LUC7L3: variants seen among roughly 807,000 people sequenced by gnomAD.
LUC7L3 encodes the protein luc7-like protein 3.
Under a neutral mutation model 66.8 loss-of-function variants are expected in LUC7L3, and 6 were observed. That is an observed-to-expected ratio of 0.09 (90% CI 0.05 to 0.18). The LOEUF (loss-of-function observed/expected upper bound fraction) is 0.18, where lower values mean the gene tolerates loss of function less well. LUC7L3 is among the 10% of genes least tolerant of loss of function. LUC7L3 has a pLI of 1.00. For missense variants in LUC7L3, 341 were observed against 531.1 expected (o/e 0.64, Z 3.52); for synonymous variants, 160 against 174.7 (o/e 0.92, Z 0.66).
chr17:50,741,409 A>G (rs1005973498), intron 4 of LUC7L3, 163 bp downstream of exon 4: 5 of 752,844 alleles, frequency 6.6e-6, no homozygotes, highest in South Asian at 4.4e-5. Flanking sequence ...ATTAGCAAAC[A>G]TAACACTGAT....
intron 1 of LUC7L3, among the ~76,000 whole-genome samples, chr17:50,735,333 GA>G (rs1439686859): frequency 6.6e-6 from 1 of 151,898 alleles, no homozygotes; most frequent in Admixed American, 6.6e-5. Context: ...GCAGCTTATG[GA>G]ACCACATTGC....
At chr17:50,726,464 G>A (rs1017109800) in intron 1 of LUC7L3, among the ~76,000 whole-genome samples, 21 of 152,128 alleles carry the variant, frequency 1.4e-4, no homozygotes, top group African/African-American at 4.3e-4. Context: ...AAGCCACAGC[G>A]CCTGGCCTAT....
At chr17:50,735,056 C>T (rs1295188118) in intron 1 of LUC7L3, among the ~76,000 whole-genome samples, 1 of 151,960 alleles carries the variant, frequency 6.6e-6, no homozygotes, top group East Asian at 1.9e-4. Flanking sequence ...CATGGAGAAA[C>T]CCCATCTCTA....
intron 2 of LUC7L3, chr17:50,738,035 TAAAA>T (rs1384907300): frequency 4.6e-5 from 18 of 395,348 alleles, no homozygotes; most frequent in South Asian, 3.3e-4. Context: ...AGTAGTAAGT[TAAAA>T]AAAGAATGTA....
In LUC7L3 at chr17:50,754,187, TAATC is replaced by T. The variant is rs1331336320; in HGVS notation, c.*3532_*3535del. On this transcript the variant is annotated 3_prime_UTR_variant, in exon 10 of 10. Coordinates refer to ENST00000505658, the MANE Select transcript of LUC7L3 (RefSeq NM_016424.5). ...GTCTTTAAGGGGAGCAAACCAGTTT[TAATC>T]AATCAGATTGCTTGGTAAGTTTGGA... 3.3e-5 allele frequency: 5 copies of T among 152,090 alleles called. No individual in the cohort carries two copies. Among genetic ancestry groups the T allele is most frequent in the Admixed American group, 6.6e-5 (1 of 15,256 alleles). The allele number at this position is 152,090 out of a possible 1,614,324, so 9.4% of individuals were successfully genotyped here.
chr17:50,745,000 G>GTTTT (rs566430475), intron 7 of LUC7L3, among the ~76,000 whole-genome samples, 187 bp downstream of exon 7: 251 of 151,788 alleles, frequency 1.7e-3, no homozygotes, highest in African/African-American at 5.9e-3. Context: ...TTGTTTGTTT[G>GTTTT]TTTATTTTTG....
At chr17:50,731,265 T>C (rs1969589018) in intron 1 of LUC7L3, among the ~76,000 whole-genome samples, 1 of 152,012 alleles carries the variant, frequency 6.6e-6, no homozygotes, top group East Asian at 1.9e-4. Flanking sequence ...CCCTCCCGGG[T>C]TCAAGCGATT....
At chr17:50,733,913 T>G (rs1278903327) in intron 1 of LUC7L3, among the ~76,000 whole-genome samples, 1 of 152,066 alleles carries the variant, frequency 6.6e-6, no homozygotes. Flanking sequence ...ACATCCTCCC[T>G]CCCCCAAATA....
intron 1 of LUC7L3, among the ~76,000 whole-genome samples, chr17:50,728,546 G>C (rs1759836916): frequency 6.6e-6 from 1 of 151,988 alleles, no homozygotes; most frequent in South Asian, 2.1e-4. Flanking sequence ...AGCGTGTAGG[G>C]TTGGTTTTTG....
At chr17:50,741,468 G>T (rs1035778878) in intron 4 of LUC7L3, among the ~76,000 whole-genome samples, 189 bp from the exon 5 acceptor site, 3 of 152,086 alleles carry the variant, frequency 2.0e-5, no homozygotes, top group African/African-American at 7.2e-5. Context: ...TTGAGGCCAA[G>T]ATTTTTCCCT....
intron 1 of LUC7L3, among the ~76,000 whole-genome samples, chr17:50,724,765 T>A (rs1969060187): frequency 6.7e-6 from 1 of 149,380 alleles, no homozygotes; most frequent in South Asian, 2.1e-4. Context: ...TCTTTTTTTT[T>A]TTTTTTTTAC....
intron 1 of LUC7L3, among the ~76,000 whole-genome samples, chr17:50,731,642 G>C (rs1429528970): frequency 2.0e-5 from 3 of 152,182 alleles, no homozygotes; most frequent in Non-Finnish European, 4.4e-5. Context: ...AGATAATTCT[G>C]ATGTACCATT....
At chr17:50,722,059 C>T (rs1457123745) in intron 1 of LUC7L3, 1 of 151,926 alleles carries the variant, frequency 6.6e-6, no homozygotes, top group East Asian at 1.9e-4. Context: ...CTGTATTTGA[C>T]CTGTGGAATT....
chr17:50,722,959 G>A (rs1204778670), intron 1 of LUC7L3: 1 of 152,178 alleles, frequency 6.6e-6, no homozygotes, highest in Non-Finnish European at 1.5e-5. Context: ...TTTGCACTAA[G>A]CAATTGCTTG....
At chr17:50,746,763 A>ACTTTT in intron 9 of LUC7L3, 61 bp downstream of exon 9, 1 of 1,457,268 alleles carries the variant, frequency 6.9e-7, no homozygotes, top group East Asian at 2.3e-5. Context: ...CGCCCCACTC[A>ACTTTT]CTTTTCTCCA....
At chr17:50,741,034 GAT>G in intron 3 of LUC7L3, 66 bp from the exon 4 acceptor site, 1 of 1,486,992 alleles carries the variant, frequency 6.7e-7, no homozygotes, top group East Asian at 2.3e-5. Flanking sequence ...GGCTAGTTAA[GAT>G]AGAATATTTG....
At chr17:50,748,033 TTAA>T (rs1463995377) in intron 9 of LUC7L3, among the ~76,000 whole-genome samples, 2 of 152,256 alleles carry the variant, frequency 1.3e-5, no homozygotes, top group Non-Finnish European at 2.9e-5. Context: ...TCAGGTCAAA[TTAA>T]TAATATTTGT....
At chr17:50,745,253 A>G (rs1053893843) in intron 7 of LUC7L3, among the ~76,000 whole-genome samples, 1 of 151,934 alleles carries the variant, frequency 6.6e-6, no homozygotes, top group Non-Finnish European at 1.5e-5. Flanking sequence ...CAGCCTCCCA[A>G]AGTGCTGAGC....
intron 1 of LUC7L3, chr17:50,722,019 T>C (rs987976540): frequency 6.6e-6 from 1 of 151,992 alleles, no homozygotes; most frequent in Non-Finnish European, 1.5e-5. Context: ...ATGCTAACTT[T>C]ACCTAGTATT....
Sources: allele counts gnomAD v4.1 joint callset (sites outside exome capture counted in the v4.1 genomes callset), GRCh38; gene constraint gnomAD v4.1.1; transcripts MANE v1.5; gene names NCBI Gene and HGNC (gene_info 2026-07-23, HGNC 2026-07-21).